The following TRPV4 variants were observed in gnomAD, a reference collection of about 807,000 sequenced individuals.
TRPV4 encodes the protein transient receptor potential cation channel subfamily V member 4.
Under a neutral mutation model 84.1 loss-of-function variants are expected in TRPV4, and 58 were observed. That is an observed-to-expected ratio of 0.69 (90% CI 0.56 to 0.86). The LOEUF is 0.86. Among genes scored for constraint, TRPV4 ranks in the 40% least tolerant of loss-of-function variants. TRPV4 has a pLI of 0.00. For missense variants in TRPV4, 879 were observed against 1,181.1 expected (o/e 0.74, Z 3.75); for synonymous variants, 489 against 500.9 (o/e 0.98, Z 0.32).
chr12:109,791,868 G>A (rs2039559498), intron 12 of TRPV4, among the ~76,000 whole-genome samples: 1 of 151,926 alleles, frequency 6.6e-6, no homozygotes, highest in African/African-American at 2.4e-5. Context: ...GATAATAAAG[G>A]CACTTAGCTT....
intron 3 of TRPV4, among the ~76,000 whole-genome samples, chr12:109,804,220 T>A (rs1890984417): frequency 6.6e-6 from 1 of 152,202 alleles, no homozygotes; most frequent in African/African-American, 2.4e-5. Flanking sequence ...TTTCTTTCTG[T>A]TGTAGCTATT....
intron 7 of TRPV4, among the ~76,000 whole-genome samples, 182 bp from the exon 8 acceptor site, chr12:109,794,669 C>T (rs1048250806): frequency 2.0e-5 from 3 of 152,158 alleles, no homozygotes; most frequent in Non-Finnish European, 4.4e-5. Context: ...CTCAATGTAC[C>T]TTTCCACCCT....
At chr12:109,816,582 AGCCTG>A (rs367635717) in intron 1 of TRPV4, among the ~76,000 whole-genome samples, 2 of 152,318 alleles carry the variant, frequency 1.3e-5, no homozygotes, top group African/African-American at 4.8e-5. Flanking sequence ...GTTCGAGACC[AGCCTG>A]GCTAACATGG....
At chr12:109,799,551 C>T (rs1039699451) in intron 5 of TRPV4, among the ~76,000 whole-genome samples, 12 of 152,182 alleles carry the variant, frequency 7.9e-5, no homozygotes, top group Non-Finnish European at 1.6e-4. Context: ...GTGATGACAA[C>T]GGCAGTGGTG....
Position 109,783,633 on chromosome 12 carries a change from G to A in TRPV4, c.2604C>T (p.Asp868=), listed in dbSNP as rs111598467. Residue 868 remains aspartate (D), a synonymous_variant, in exon 16 of 16, where the codon GAC becomes GAT. Coordinates refer to ENST00000261740, the MANE Select transcript of TRPV4 (RefSeq NM_021625.5). The surrounding 1 kb of genome is among the most constrained non-coding windows in gnomAD (Gnocchi z 4.6). ...TGGGCTGCAGTCCCTAGAGCGGGGC[G>A]TCATCAGTCCTCCACTTGCGGGGGT... ...QGYPRKWRTD[D]APL is the part of the protein sequence containing the mutation. 1.8e-5 allele frequency: 29 copies of A among 1,613,566 alleles called. No homozygotes were observed. The highest frequency in any genetic ancestry group is 4.4e-5 in the South Asian group (4 of 91,066).
rs1288198294 is a variant in TRPV4, at chr12:109,783,203, C to A, written c.*418G>T. ...AGCCCCTTGCAAAGCTGCCACGCTG[C>A]CAAAAATGGTGGCGCATGCAGCTCA... On this transcript the variant is annotated 3_prime_UTR_variant, in exon 16 of 16. Transcript: ENST00000261740. This position sits in a 1 kb window ranked among gnomAD's most constrained non-coding sequence, Gnocchi z 4.6. 2 of 183,596 alleles carry A rather than the reference C, an allele frequency of 1.1e-5. No individual in the cohort carries two copies. Among genetic ancestry groups the A allele is most frequent in the Non-Finnish European group, 2.3e-5 (2 of 88,634 alleles). The allele number at this position is 183,596 out of a possible 1,614,324, so 11.4% of individuals were successfully genotyped here. A position where few individuals can be genotyped will look rare whatever the true frequency, so the allele number is the denominator to read the frequency against.
At chr12:109,831,044 G>C (rs1270566821) in intron 1 of TRPV4, among the ~76,000 whole-genome samples, 1 of 152,162 alleles carries the variant, frequency 6.6e-6, no homozygotes, top group Non-Finnish European at 1.5e-5. Context: ...TTCTAGAACA[G>C]ACAAACAACC....
At chr12:109,818,516 G>T (rs147093239) in intron 1 of TRPV4, among the ~76,000 whole-genome samples, 2 of 152,044 alleles carry the variant, frequency 1.3e-5, no homozygotes, top group African/African-American at 2.4e-5. Flanking sequence ...GGTACCACCC[G>T]AGCGCTTACA....
intron 14 of TRPV4, among the ~76,000 whole-genome samples, chr12:109,785,052 C>T (rs1344047738): frequency 1.3e-5 from 2 of 152,144 alleles, no homozygotes; most frequent in Non-Finnish European, 2.9e-5. Flanking sequence ...GACAGGGTCT[C>T]ACTCCATTGC....
intron 1 of TRPV4, among the ~76,000 whole-genome samples, chr12:109,821,515 C>T (rs772031908): frequency 1.4e-4 from 21 of 151,312 alleles, no homozygotes; most frequent in Non-Finnish European, 2.7e-4. Flanking sequence ...GCACTTCCCA[C>T]GATTAAACTT....
rs1380075858 is a variant in TRPV4, at chr12:109,794,481, G to A, written c.1339C>T (p.His447Tyr). 6.2e-7 allele frequency: 1 copy of A among 1,614,008 alleles called. No individual in the cohort carries two copies. Among genetic ancestry groups the A allele is most frequent in the Non-Finnish European group, 8.5e-7 (1 of 1,180,020 alleles). Reference sequence around the variant, plus strand: ...ATGGGCTCCACAGCCAGCATCTCGTGGCGGTTCTAAGAGAGGCAGGGTGGT... The same window carrying A: ...ATGGGCTCCACAGCCAGCATCTCGTAGCGGTTCTAAGAGAGGCAGGGTGGT... ...LVYNSKIENR[H>Y]EMLAVEPINE... The change falls in exon 8 of 16, where the codon CAC becomes TAC. Residue 447 changes from histidine (H) to tyrosine (Y), a missense_variant. Physicochemically the swap from His to Tyr is moderately conservative, Grantham distance 83. Transcript: ENST00000261740.
intron 4 of TRPV4, 38 bp downstream of exon 4, chr12:109,802,953 C>T: frequency 6.2e-7 from 1 of 1,610,250 alleles, no homozygotes; most frequent in Non-Finnish European, 8.5e-7. Context: ...GCGTCTCCAT[C>T]AGCCCCCGTG....
chr12:109,809,060 C>T lies in TRPV4; in HGVS notation c.387-592G>A, dbSNP rs962227387. On this transcript the variant is annotated intron_variant, in intron 2 of 15. Coordinates refer to ENST00000261740, the MANE Select transcript of TRPV4 (RefSeq NM_021625.5). ...CACCCATCCATCCATCCATCCATCA[C>T]TCATCCATCCATCTGCCCACTCATC... Among the ~76,000 whole-genome samples the T allele has an allele frequency of 1.8e-4, 25 of 135,142 alleles. 1 individual carries two copies. The highest frequency in any genetic ancestry group is 6.3e-4 in the African/African-American group (23 of 36,654). 88.7% of individuals were successfully genotyped at this position (135,142 alleles called of 152,430 possible). A position where few individuals can be genotyped will look rare whatever the true frequency, so the allele number is the denominator to read the frequency against.
In TRPV4 at chr12:109,788,328, G is replaced by A. The variant is rs567294914; in HGVS notation, c.2208+72C>T. On this transcript the variant is annotated intron_variant, in intron 13 of 15. Transcript: ENST00000261740. Reference sequence around the variant, plus strand: ...TTGCTCAGAGTGGAAGGCCGAGGAAGCCAGTCGGGTGGGTCTCCTCGGAAG... The same window carrying A: ...TTGCTCAGAGTGGAAGGCCGAGGAAACCAGTCGGGTGGGTCTCCTCGGAAG... 96 of 1,462,998 alleles carry A rather than the reference G, an allele frequency of 6.6e-5. 1 individual carries two copies. The South Asian group carries it at 1.0e-3, about 16-fold the overall frequency. 90.6% of individuals were successfully genotyped at this position (1,462,998 alleles called of 1,614,324 possible).
At chr12:109,807,395 T>TTTC (rs908455754) in intron 3 of TRPV4, among the ~76,000 whole-genome samples, 3 of 145,410 alleles carry the variant, frequency 2.1e-5, no homozygotes, top group African/African-American at 7.5e-5. Context: ...TCACAATTCT[T>TTTC]TTTTTTTTTT....
In TRPV4 at chr12:109,798,910, C is replaced by A. The variant is rs1341025285; in HGVS notation, c.856G>T (p.Glu286Ter). Residue 286 changes from glutamate (E) to a stop codon, truncating the protein, a stop_gained and splice_region_variant, in exon 6 of 16, where the codon GAG becomes TAG. Transcript: ENST00000261740. LOFTEE classifies it high-confidence loss of function. The surrounding 1 kb of genome is among the most constrained non-coding windows in gnomAD (Gnocchi z 5.0). The part of the protein sequence containing the change: ...KDEGGYFYFG[E>*]LPLSLAACTN... The stretch of plus-strand genomic sequence containing the variant: ...CAGGCAGCCAGCGACAGGGGCAGCT[C>A]CCCTGCGGGCCAGGGTGAAGGGTGG... 7 of 1,609,284 alleles carry A rather than the reference C, an allele frequency of 4.3e-6. No homozygotes were observed. Among genetic ancestry groups the A allele is most frequent in the Non-Finnish European group, 5.9e-6 (7 of 1,177,344 alleles).
chr12:109,800,755 T>G lies in TRPV4; in HGVS notation c.716A>C (p.Gln239Pro), dbSNP rs1890730339. ...CTCAATGGCGATGTGCAGGGCTGTC[T>G]GACCTGGGGGCAGGGGACGGTCATC... ...SPFRDIYYRG[Q>P]TALHIAIERR... is the part of the protein sequence containing the mutation. The change falls in exon 5 of 16, where the codon CAG becomes CCG. Residue 239 changes from glutamine (Q) to proline (P), a missense_variant. Gln to Pro is a moderately conservative substitution (Grantham distance 76, BLOSUM62 -1). This residue lies in a region of TRPV4 where 521 missense variants were observed against 686.6 expected (regional missense o/e 0.76). Coordinates refer to ENST00000261740, the MANE Select transcript of TRPV4 (RefSeq NM_021625.5). The G allele has an allele frequency of 1.2e-6, 2 of 1,603,094 alleles. No individual in the cohort carries two copies. The highest frequency in any genetic ancestry group is 1.7e-6 in the Non-Finnish European group (2 of 1,174,856).
At position 109,798,268 on chromosome 12, in the gene TRPV4, A is replaced by G. The variant is rs558361027; in HGVS notation, c.1152+346T>C. On this transcript the variant is annotated intron_variant, in intron 6 of 15. Coordinates refer to ENST00000261740, the MANE Select transcript of TRPV4 (RefSeq NM_021625.5). This position sits in a 1 kb window ranked among gnomAD's most constrained non-coding sequence, Gnocchi z 5.0. ...CCATGCTGCGCGGCCCAGAAAAGGG[A>G]AGGAACTGGGGCAGGGCCATTCAAC... 6.6e-6 allele frequency among the ~76,000 whole-genome samples: 1 copy of G among 152,270 alleles called. No individual in the cohort carries two copies. Among genetic ancestry groups the G allele is most frequent in the South Asian group, 2.1e-4 (1 of 4,820 alleles).
intron 3 of TRPV4, 91 bp downstream of exon 3, chr12:109,808,205 G>A: frequency 3.4e-6 from 5 of 1,476,414 alleles, no homozygotes; most frequent in Non-Finnish European, 3.7e-6. Flanking sequence ...CCGACCCAAA[G>A]AAAGAAGCTG....
Sources: allele counts gnomAD v4.1 joint callset (sites outside exome capture counted in the v4.1 genomes callset), GRCh38; gene constraint gnomAD v4.1.1; regional missense constraint gnomAD v4.1.1; non-coding constraint Gnocchi (gnomAD v3.1); transcripts MANE v1.5; gene names NCBI Gene and HGNC (gene_info 2026-07-23, HGNC 2026-07-21).